Variants in CSMD1 observed in about 807,000 individuals in gnomAD.
CSMD1 encodes the protein CUB and Sushi multiple domains 1.
In CSMD1, 213 loss-of-function variants were observed where a neutral mutation model predicts 417.5. The observed-to-expected ratio is 0.51, with a 90% CI of 0.46 to 0.57. CSMD1 has a LOEUF of 0.57. Ranked by LOEUF, CSMD1 falls within the 20% of genes least tolerant of loss-of-function variation. The probability of loss-of-function intolerance (pLI) is 0.00; values close to 1 mark genes in which losing one functional copy is unlikely to be tolerated. For missense variants in CSMD1, 6,923 were observed against 4,529.7 expected (o/e 1.53, Z -15.17); for synonymous variants, 2,862 against 1,736.8 (o/e 1.65, Z -16.11).
At chr8:3,313,098 G>C (rs891931691) in intron 23 of CSMD1, among the ~76,000 whole-genome samples, 1 of 152,172 alleles carries the variant, frequency 6.6e-6, no homozygotes, top group Non-Finnish European at 1.5e-5. Context: ...AGAAAAGAAT[G>C]TTTCCATGTT....
chr8:4,865,200 C>A (rs1374351206), intron 1 of CSMD1, among the ~76,000 whole-genome samples: 1 of 151,770 alleles, frequency 6.6e-6, no homozygotes, highest in Non-Finnish European at 1.5e-5. Context: ...CATTCTCATG[C>A]ATAATGATAA....
At chr8:4,724,624 T>C (rs1809295113) in intron 1 of CSMD1, among the ~76,000 whole-genome samples, 2 of 151,830 alleles carry the variant, frequency 1.3e-5, no homozygotes, top group South Asian at 2.1e-4. Flanking sequence ...GTGATATTAT[T>C]TGGAAAAAAT....
At chr8:4,318,525 G>A (rs570917363) in intron 3 of CSMD1, among the ~76,000 whole-genome samples, 189 of 152,150 alleles carry the variant, frequency 1.2e-3, no homozygotes, top group Admixed American at 3.3e-3. Context: ...ACTTGAGTAA[G>A]TACTGATTAA....
intron 20 of CSMD1, 109 bp downstream of exon 20, chr8:3,366,923 A>G: frequency 1.1e-6 from 1 of 874,514 alleles, no homozygotes; most frequent in South Asian, 1.6e-5. Context: ...ATGTACAAAC[A>G]CACACGGATG....
Position 3,857,867 on chromosome 8 carries a change from A to T in CSMD1, c.819-103825T>A, listed in dbSNP as rs148129657. On this transcript the variant is annotated intron_variant, in intron 5 of 69. Coordinates refer to ENST00000635120, the MANE Select transcript of CSMD1 (RefSeq NM_033225.6). ...TAGAGTTACCTTTGCTGAGTGAGAG[A>T]TTACGTGATATGTAACAGGGATTGC... 1.2e-4 allele frequency among the ~76,000 whole-genome samples: 18 copies of T among 152,346 alleles called. No individual in the cohort carries two copies. In the East Asian group the frequency reaches 3.3e-3, roughly 28 times the overall value.
chr8:3,389,697 A>C (rs1024835752), intron 17 of CSMD1, among the ~76,000 whole-genome samples: 14 of 152,090 alleles, frequency 9.2e-5, no homozygotes, highest in Non-Finnish European at 1.3e-4. Context: ...ATAAACCATA[A>C]ACTAAACTTT....
intron 18 of CSMD1, chr8:3,375,078 C>G (rs1249319125): frequency 6.6e-6 from 1 of 152,194 alleles, no homozygotes; most frequent in Non-Finnish European, 1.5e-5. Context: ...GCATTCACCT[C>G]CACGGTGCCC....
chr8:3,409,285 C>G, intron 13 of CSMD1, 138 bp downstream of exon 13: 1 of 668,756 alleles, frequency 1.5e-6, no homozygotes, highest in Non-Finnish European at 2.3e-6. Flanking sequence ...CGTCCTTGCA[C>G]GTTTCCAGTA....
intron 1 of CSMD1, among the ~76,000 whole-genome samples, chr8:4,726,291 C>T (rs375914961): frequency 1.3e-5 from 2 of 150,426 alleles, no homozygotes; most frequent in African/African-American, 4.9e-5. Context: ...GTAGTAATGG[C>T]GACTAAGTGG....
At chr8:4,492,717 AT>A (rs1003012839) in intron 2 of CSMD1, among the ~76,000 whole-genome samples, 4 of 152,202 alleles carry the variant, frequency 2.6e-5, no homozygotes, top group African/African-American at 9.7e-5. Flanking sequence ...ATGTAGACCC[AT>A]GGAAACTGAC....
intron 3 of CSMD1, among the ~76,000 whole-genome samples, chr8:4,057,128 T>A: frequency 6.6e-6 from 1 of 152,186 alleles, no homozygotes; most frequent in Non-Finnish European, 1.5e-5. Flanking sequence ...TCCACAAGGG[T>A]TGAACTAGTT....
chr8:4,872,650 T>G (rs982695414), intron 1 of CSMD1, among the ~76,000 whole-genome samples: 2 of 152,060 alleles, frequency 1.3e-5, no homozygotes, highest in Admixed American at 1.3e-4. Context: ...TCTAATACAC[T>G]GCCTCAGAAA....
At chr8:3,259,903 C>G (rs181533487) in intron 26 of CSMD1, among the ~76,000 whole-genome samples, 2 of 152,104 alleles carry the variant, frequency 1.3e-5, no homozygotes, top group Non-Finnish European at 2.9e-5. Flanking sequence ...TCAAACACAT[C>G]TCTGACCACT....
chr8:3,655,418 C>T (rs1368937276), intron 7 of CSMD1, among the ~76,000 whole-genome samples: 2 of 152,192 alleles, frequency 1.3e-5, no homozygotes, highest in Non-Finnish European at 2.9e-5. Context: ...TTTAAGATAA[C>T]ATTTAATTAG....
At chr8:4,665,048 T>C (rs1244609864) in intron 1 of CSMD1, among the ~76,000 whole-genome samples, 1 of 152,210 alleles carries the variant, frequency 6.6e-6, no homozygotes, top group Non-Finnish European at 1.5e-5. Flanking sequence ...GTTTAATTAT[T>C]AATTTGCAGA....
At chr8:3,247,922 C>T (rs1462213414) in intron 26 of CSMD1, among the ~76,000 whole-genome samples, 1 of 152,176 alleles carries the variant, frequency 6.6e-6, no homozygotes, top group South Asian at 2.1e-4. Context: ...GAAGCATGTG[C>T]TGATGACTTA....
intron 37 of CSMD1, among the ~76,000 whole-genome samples, chr8:3,165,108 G>A (rs938035459): frequency 1.3e-5 from 2 of 152,002 alleles, no homozygotes; most frequent in African/African-American, 4.8e-5. Context: ...GTTCTATGCA[G>A]AGCACAATAT....
At chr8:4,805,161 G>T (rs1236562999) in intron 1 of CSMD1, among the ~76,000 whole-genome samples, 1 of 152,062 alleles carries the variant, frequency 6.6e-6, no homozygotes, top group Admixed American at 6.5e-5. Context: ...TTTCCCCCTG[G>T]ATGTCAGTTT....
intron 9 of CSMD1, among the ~76,000 whole-genome samples, chr8:3,578,909 C>T (rs574634212): frequency 2.3e-4 from 35 of 152,292 alleles, no homozygotes; most frequent in African/African-American, 6.3e-4. Flanking sequence ...GATCTCTCTC[C>T]GTAAGTTGCC....
Sources: gnomAD v4.1 joint callset for allele counts (sites outside exome capture counted in the v4.1 genomes callset) on GRCh38, gnomAD v4.1.1 for gene constraint, MANE v1.5 for transcripts, NCBI Gene and HGNC (gene_info 2026-07-23, HGNC 2026-07-21) for gene names.